CACNA2D1: variants seen among roughly 807,000 people sequenced by gnomAD.
CACNA2D1 encodes voltage-dependent calcium channel subunit alpha-2/delta-1.
In CACNA2D1, 53 loss-of-function variants were observed where a neutral mutation model predicts 171.5. The ratio of observed to expected loss-of-function variants is 0.31; its 90% CI spans 0.25 to 0.39. The LOEUF (loss-of-function observed/expected upper bound fraction) is 0.39. Among genes scored for constraint, CACNA2D1 ranks in the 10% least tolerant of loss-of-function variants. The probability of loss-of-function intolerance (pLI) is 1.00; values close to 1 mark genes in which losing one functional copy is unlikely to be tolerated. For missense variants in CACNA2D1, 903 were observed against 1,299.8 expected (o/e 0.69, Z 4.69); for synonymous variants, 442 against 443.1 (o/e 1.00, Z 0.03).
intron 6 of CACNA2D1, among the ~76,000 whole-genome samples, chr7:82,105,788 T>C (rs564736836): frequency 6.6e-6 from 1 of 152,244 alleles, no homozygotes; most frequent in South Asian, 2.1e-4. Context: ...CATGGCAATC[T>C]AGGTGAATAC....
At chr7:81,982,223 G>C (rs1229646749) in intron 24 of CACNA2D1, among the ~76,000 whole-genome samples, 3 of 151,828 alleles carry the variant, frequency 2.0e-5, no homozygotes, top group Non-Finnish European at 2.9e-5. Flanking sequence ...TCCGCCTCCT[G>C]GGTTCAAGTG....
Position 82,068,731 on chromosome 7 carries a change from C to T in CACNA2D1, c.659-2207G>A, listed in dbSNP as rs527507939. 1.3e-4 allele frequency among the ~76,000 whole-genome samples: 19 copies of T among 151,976 alleles called. 1 individual carries two copies. The Middle Eastern group carries it at 0.014, about 109-fold the overall frequency. On this transcript the variant is annotated intron_variant, in intron 7 of 38. Transcript: ENST00000356860. ...ATCCTGAGTTAAAAGTGGTCTGCAA[C>T]GAATCTGATAAACAACTTAAAGAAA...
chr7:82,223,098 G>T (rs1801971425), intron 3 of CACNA2D1, among the ~76,000 whole-genome samples: 1 of 151,710 alleles, frequency 6.6e-6, no homozygotes, highest in Non-Finnish European at 1.5e-5. Flanking sequence ...TAGAGACAGG[G>T]TTTCAACATG....
intron 4 of CACNA2D1, among the ~76,000 whole-genome samples, chr7:82,137,707 T>TAAAAAAAAAAAAAAAAAAAAAGAAAAAA (rs1791813663): frequency 1.3e-5 from 1 of 78,844 alleles, no homozygotes; most frequent in African/African-American, 5.3e-5. Context: ...CCGTCTCTAC[T>TAAAAAAAAAAAAAAAAAAAAAGAAAAAA]AAAAAAAAAA....
intron 20 of CACNA2D1, among the ~76,000 whole-genome samples, chr7:81,993,103 T>C (rs981446609): frequency 5.3e-5 from 8 of 152,184 alleles, no homozygotes; most frequent in Non-Finnish European, 7.4e-5. Flanking sequence ...GCATTAAAAA[T>C]TTGATTCATA....
rs150286695 is a variant in CACNA2D1 at position 82,085,409 on chromosome 7, A to C, written c.527-509T>G. Among the ~76,000 whole-genome samples the C allele has an allele frequency of 5.1e-3, 771 of 152,214 alleles. 8 individuals are homozygous for C. Among genetic ancestry groups the C allele is most frequent in the Non-Finnish European group, 7.6e-3 (514 of 67,996 alleles). ...ATGAGTGGTATTCCTTTTTATCCTC[A>C]GAGGTAGTTCTGAGGAAACCTATGG... On this transcript the variant is annotated intron_variant, in intron 6 of 38. Transcript: ENST00000356860.
chr7:82,054,630 T>C (rs907449238), intron 10 of CACNA2D1, among the ~76,000 whole-genome samples: 5 of 152,206 alleles, frequency 3.3e-5, no homozygotes, highest in Admixed American at 3.3e-4. Flanking sequence ...GTGACTATTC[T>C]GGGGAAAATC....
At chr7:81,994,779 G>C (rs1174939247) in intron 20 of CACNA2D1, 89 bp downstream of exon 20, 3 of 725,322 alleles carry the variant, frequency 4.1e-6, no homozygotes, top group Admixed American at 4.1e-5. Flanking sequence ...TAAGTAAATA[G>C]TGGATTAATA....
chr7:82,363,407 G>T (rs1276587378), intron 1 of CACNA2D1, among the ~76,000 whole-genome samples: 2 of 151,726 alleles, frequency 1.3e-5, no homozygotes, highest in Non-Finnish European at 2.9e-5. Context: ...TGGGACTACA[G>T]GCACCTGCCA....
At chr7:81,997,765 A>G (rs1798197265) in intron 18 of CACNA2D1, among the ~76,000 whole-genome samples, 1 of 151,912 alleles carries the variant, frequency 6.6e-6, no homozygotes, top group Non-Finnish European at 1.5e-5. Context: ...AAAGTATATA[A>G]AGAAAAGGTG....
At chr7:82,157,857 A>C (rs1011152090) in intron 4 of CACNA2D1, among the ~76,000 whole-genome samples, 4 of 152,034 alleles carry the variant, frequency 2.6e-5, no homozygotes, top group African/African-American at 9.7e-5. Flanking sequence ...AAGTATGAAA[A>C]GATAAAATGT....
chr7:82,381,522 T>G (rs1823714220), intron 1 of CACNA2D1, among the ~76,000 whole-genome samples: 1 of 152,176 alleles, frequency 6.6e-6, no homozygotes, highest in South Asian at 2.1e-4. Context: ...TGGACCACAA[T>G]GTCTCAAAAC....
At chr7:82,390,529 C>A (rs2129450530) in intron 1 of CACNA2D1, among the ~76,000 whole-genome samples, 1 of 152,144 alleles carries the variant, frequency 6.6e-6, no homozygotes, top group African/African-American at 2.4e-5. Flanking sequence ...AAAACATCAA[C>A]AAGAAAAGTC....
intron 1 of CACNA2D1, among the ~76,000 whole-genome samples, chr7:82,418,469 GA>G (rs1359539267): frequency 3.9e-5 from 6 of 152,218 alleles, no homozygotes; most frequent in Admixed American, 3.3e-4. Context: ...AGAAGAAAAA[GA>G]AGCAGAGATA....
intron 29 of CACNA2D1, 43 bp downstream of exon 29, chr7:81,968,844 A>T: frequency 1.9e-6 from 2 of 1,052,182 alleles, no homozygotes. Context: ...GCCAAGTAAC[A>T]TTTAATTTTG....
intron 19 of CACNA2D1, 86 bp downstream of exon 19, chr7:81,997,093 T>C (rs1343940838): frequency 4.9e-6 from 4 of 809,196 alleles, no homozygotes; most frequent in African/African-American, 1.7e-5. Context: ...AGCTAACACA[T>C]TGTAGCCGTT....
chr7:81,969,101 T>G, intron 28 of CACNA2D1, 128 bp from the exon 29 acceptor site: 1 of 640,778 alleles, frequency 1.6e-6, no homozygotes, highest in South Asian at 1.7e-5. Flanking sequence ...CTATAAAATG[T>G]TTGTGCTCTC....
Position 81,948,300 on chromosome 7 carries a change from T to A in CACNA2D1, c.*2092A>T, listed in dbSNP as rs1792202429. 6.6e-6 allele frequency: 1 copy of A among 151,874 alleles called. No individual in the cohort carries two copies. The allele number at this position is 151,874 out of a possible 1,614,324, so 9.4% of individuals were successfully genotyped here. On this transcript the variant is annotated 3_prime_UTR_variant, in exon 39 of 39. Coordinates refer to ENST00000356860, the MANE Select transcript of CACNA2D1 (RefSeq NM_000722.4). ...ACATTGTTACTAGAGTGAGAAGTTTTTTTCCCCACATATATTTTAAATCAC... is the reference window on the plus strand; with the variant it reads ...ACATTGTTACTAGAGTGAGAAGTTTATTTCCCCACATATATTTTAAATCAC...
intron 3 of CACNA2D1, among the ~76,000 whole-genome samples, chr7:82,187,789 C>G (rs1797912551): frequency 6.6e-6 from 1 of 152,050 alleles, no homozygotes; most frequent in Non-Finnish European, 1.5e-5. Flanking sequence ...ATACCATAGA[C>G]TGGGTAACTT....
Sources: allele counts gnomAD v4.1 joint callset (sites outside exome capture counted in the v4.1 genomes callset), GRCh38; gene constraint gnomAD v4.1.1; transcripts MANE v1.5; gene names NCBI Gene and HGNC (gene_info 2026-07-23, HGNC 2026-07-21).